Variants in EGFR observed in about 807,000 individuals in gnomAD.
EGFR encodes epidermal growth factor receptor, also known as avian erythroblastic leukemia viral (v-erb-b) oncogene homolog.
In EGFR, 58 loss-of-function variants were observed where a neutral mutation model predicts 143.0. The ratio of observed to expected loss-of-function variants is 0.41; its 90% confidence interval spans 0.33 to 0.50. EGFR has a LOEUF of 0.50. EGFR is among the 20% of genes least tolerant of loss of function. The probability of loss-of-function intolerance (pLI) is 0.39; values close to 1 mark genes in which losing one functional copy is unlikely to be tolerated. For missense variants in EGFR, 1,307 were observed against 1,579.0 expected (o/e 0.83, Z 2.92); for synonymous variants, 613 against 594.4 (o/e 1.03, Z -0.45).
chr7:55,107,261 G>A (rs1381639987), intron 1 of EGFR, among the ~76,000 whole-genome samples: 4 of 152,090 alleles, frequency 2.6e-5, no homozygotes, highest in African/African-American at 9.7e-5. Flanking sequence ...TAGTAGGTGT[G>A]TACTTTTTTC....
chr7:55,174,945 T>C lies in EGFR; in HGVS notation c.2283+125T>C, dbSNP rs17290378. 32,249 of 772,538 alleles carry C rather than the reference T, an allele frequency of 0.042. 807 individuals are homozygous for C. The highest frequency in any genetic ancestry group is 0.078 in the Middle Eastern group (326 of 4,168). 47.9% of individuals were successfully genotyped at this position (772,538 alleles called of 1,614,324 possible). A position where few individuals can be genotyped will look rare whatever the true frequency, so the allele number is the denominator to read the frequency against. ...CCACATCCTAAATGTTCACTTTCTATGTCTTTCCCTTTCTAGCTCTAGTGG... is the reference window on the plus strand; with the variant it reads ...CCACATCCTAAATGTTCACTTTCTACGTCTTTCCCTTTCTAGCTCTAGTGG... On this transcript the variant is annotated intron_variant, in intron 19 of 27. Transcript: ENST00000275493.
At chr7:55,102,889 A>G (rs1208836485) in intron 1 of EGFR, among the ~76,000 whole-genome samples, 1 of 152,234 alleles carries the variant, frequency 6.6e-6, no homozygotes. Flanking sequence ...GAGGAGAGGG[A>G]AAAATTAAAT....
At chr7:55,035,324 T>C (rs2128865884) in intron 1 of EGFR, among the ~76,000 whole-genome samples, 1 of 152,212 alleles carries the variant, frequency 6.6e-6, no homozygotes, top group East Asian at 1.9e-4. Context: ...TTTCTTTTAA[T>C]TTAACAGACA....
intron 1 of EGFR, among the ~76,000 whole-genome samples, chr7:55,132,818 C>T (rs1183013768): frequency 3.3e-5 from 5 of 152,290 alleles, no homozygotes; most frequent in Admixed American, 1.3e-4. Flanking sequence ...CAGCTACCTT[C>T]GCGCTACTTT....
chr7:55,159,622 G>T (rs190448420), intron 11 of EGFR, among the ~76,000 whole-genome samples: 109 of 152,268 alleles, frequency 7.2e-4, no homozygotes, highest in Non-Finnish European at 1.4e-3. Context: ...TCTTCACACC[G>T]GCTCAAAATG....
At chr7:55,180,479 G>C (rs920087164) in intron 19 of EGFR, 1 of 152,314 alleles carries the variant, frequency 6.6e-6, no homozygotes, top group African/African-American at 2.4e-5. Flanking sequence ...GCCGGAATTA[G>C]CAGGGCAGCA....
intron 1 of EGFR, among the ~76,000 whole-genome samples, chr7:55,117,442 C>G (rs1291576881): frequency 6.6e-6 from 1 of 152,182 alleles, no homozygotes; most frequent in Non-Finnish European, 1.5e-5. Context: ...TATAGGTAAG[C>G]TGCAGAAAAC....
chr7:55,138,603 G>C (rs1438183738), intron 1 of EGFR, among the ~76,000 whole-genome samples: 2 of 152,180 alleles, frequency 1.3e-5, no homozygotes, highest in African/African-American at 2.4e-5. Context: ...ACAATATAGA[G>C]TGGCTGACAT....
rs1424043738 is a variant in EGFR, at chr7:55,173,050, G to A, written c.1987G>A (p.Gly663Arg). 1 of 1,613,890 alleles carries A rather than the reference G, an allele frequency of 6.2e-7. No homozygotes were observed. Among genetic ancestry groups the A allele is most frequent in the Admixed American group, 1.7e-5 (1 of 60,020 alleles). ...CCTCTTGCTGCTGGTGGTGGCCCTGGGGATCGGCCTCTTCATGCGAAGGCG... is the reference window on the plus strand; with the variant it reads ...CCTCTTGCTGCTGGTGGTGGCCCTGAGGATCGGCCTCTTCATGCGAAGGCG... ...ALLLLLVVAL[G>R]IGLFMRRRHI... Residue 663 changes from glycine to arginine, a missense_variant, in exon 17 of 28, where the codon GGG (glycine) becomes AGG (arginine). Transcript: ENST00000275493.
At chr7:55,167,122 TTGA>T (rs1786070220) in intron 15 of EGFR, among the ~76,000 whole-genome samples, 1 of 126,154 alleles carries the variant, frequency 7.9e-6, no homozygotes, top group Non-Finnish European at 1.6e-5. Context: ...GGTGTCAGTG[TTGA>T]TGGTGGCGAT....
chr7:55,173,453 T>A (rs2128953056), intron 17 of EGFR, among the ~76,000 whole-genome samples: 1 of 152,338 alleles, frequency 6.6e-6, no homozygotes, highest in African/African-American at 2.4e-5. Context: ...GGCGAGAGAT[T>A]CCTGCTTTGG....
At chr7:55,159,180 A>G (rs1213595943) in intron 11 of EGFR, among the ~76,000 whole-genome samples, 1 of 152,134 alleles carries the variant, frequency 6.6e-6, no homozygotes, top group East Asian at 1.9e-4. Flanking sequence ...TGTAGGGGCT[A>G]GAGGTTCTCA....
In EGFR at chr7:55,201,746, C is replaced by T. The variant is rs2128972495; in HGVS notation, c.3126C>T (p.Ser1042=). The part of the protein sequence containing the change: ...TPLLSSLSAT[S]NNSTVACIDR... ...TGTTTCTTTTTCAGAGTGCAACCAG[C>T]AACAATTCCACCGTGGCTTGCATTG... Residue 1042 remains serine, a synonymous_variant, in exon 26 of 28, where the codon AGC becomes AGT. Transcript: ENST00000275493. The T allele has an allele frequency of 6.2e-7, 1 of 1,614,206 alleles. No individual in the cohort carries two copies. The highest frequency in any genetic ancestry group is 8.5e-7 in the Non-Finnish European group (1 of 1,180,040).
rs1794504721 is a variant in EGFR at position 55,142,305 on chromosome 7, C to T, written c.108C>T (p.Asn36=). Residue 36 remains asparagine (N), a synonymous_variant, in exon 2 of 28, where the codon AAC becomes AAT. Coordinates refer to ENST00000275493, the MANE Select transcript of EGFR (RefSeq NM_005228.5). ...TTCCAGTTTGCCAAGGCACGAGTAA[C>T]AAGCTCACGCAGTTGGGCACTTTTG... ...EEKKVCQGTS[N]KLTQLGTFED... The T allele has an allele frequency of 6.2e-7, 1 of 1,614,216 alleles. No homozygotes were observed. Among genetic ancestry groups the T allele is most frequent in the East Asian group, 2.2e-5 (1 of 44,886 alleles).
At chr7:55,170,639 C>G (rs1786302220) in intron 15 of EGFR, 1 of 1,599,822 alleles carries the variant, frequency 6.3e-7, no homozygotes, top group South Asian at 1.1e-5. Flanking sequence ...TACCCATTTC[C>G]TTCCTTCCAC....
chr7:55,030,352 GCT>G (rs1248881727), intron 1 of EGFR, among the ~76,000 whole-genome samples: 2 of 152,128 alleles, frequency 1.3e-5, no homozygotes, highest in South Asian at 2.1e-4. Context: ...GTGTATTTCT[GCT>G]CTGTTTTGGT....
In EGFR at chr7:55,154,923, A is replaced by G. The variant is rs189092535; in HGVS notation, c.889+771A>G. 5.9e-4 allele frequency among the ~76,000 whole-genome samples: 89 copies of G among 152,072 alleles called. No individual in the cohort carries two copies. In the East Asian group the frequency reaches 0.014, roughly 23 times the overall value. Reference sequence around the variant, plus strand: ...AAATTTTACATTCCGTATGGAAAAAAAAAACACAAAATAATAAGCCATTAT... The same window carrying G: ...AAATTTTACATTCCGTATGGAAAAAGAAAACACAAAATAATAAGCCATTAT... On this transcript the variant is annotated intron_variant, in intron 7 of 27. Transcript: ENST00000275493.
intron 22 of EGFR, among the ~76,000 whole-genome samples, chr7:55,196,879 G>C (rs1787644018): frequency 6.6e-6 from 1 of 151,774 alleles, no homozygotes; most frequent in Non-Finnish European, 1.5e-5. Context: ...CTGTATGTCT[G>C]TTTCTGTACT....
chr7:55,031,405 T>C (rs566329648), intron 1 of EGFR, among the ~76,000 whole-genome samples: 1 of 152,326 alleles, frequency 6.6e-6, no homozygotes, highest in African/African-American at 2.4e-5. Flanking sequence ...AGTTCAGCAA[T>C]TTGATGAAGT....
Sources: gnomAD v4.1 joint callset for allele counts (sites outside exome capture counted in the v4.1 genomes callset) on GRCh38, gnomAD v4.1.1 for gene constraint, MANE v1.5 for transcripts, NCBI Gene and HGNC (gene_info 2026-07-23, HGNC 2026-07-21) for gene names.